The following GRAMD2B variants were observed in gnomAD, a reference collection of about 807,000 sequenced individuals.
The protein encoded by GRAMD2B is GRAM domain containing 2B, also known as GRAM domain-containing protein 2B.
Under a neutral mutation model 59.2 loss-of-function variants are expected in GRAMD2B, and 41 were observed. That is an observed-to-expected ratio of 0.69 (90% CI 0.54 to 0.90). The LOEUF (loss-of-function observed/expected upper bound fraction) is 0.90, where lower values mean the gene tolerates loss of function less well. Ranked by LOEUF, GRAMD2B falls within the 40% of genes least tolerant of loss-of-function variation. GRAMD2B has a pLI of 0.00. For missense variants in GRAMD2B, 424 were observed against 500.5 expected (o/e 0.85, Z 1.46); for synonymous variants, 161 against 182.7 (o/e 0.88, Z 0.96).
At chr5:126,463,567 C>T (rs771098880) in intron 1 of GRAMD2B, among the ~76,000 whole-genome samples, 5 of 152,138 alleles carry the variant, frequency 3.3e-5, no homozygotes, top group Non-Finnish European at 7.3e-5. Flanking sequence ...TTCCATGTAC[C>T]TTTGTCACAT....
At chr5:126,456,095 A>C (rs1039407021) in intron 1 of GRAMD2B, among the ~76,000 whole-genome samples, 2 of 152,258 alleles carry the variant, frequency 1.3e-5, no homozygotes, top group African/African-American at 4.8e-5. Flanking sequence ...TGCTACAAGG[A>C]TATGAATAAA....
Position 126,411,889 on chromosome 5 carries a change from A to C in GRAMD2B, c.125+40322A>C, listed in dbSNP as rs190575258. 2.1e-5 allele frequency among the ~76,000 whole-genome samples: 3 copies of C among 140,350 alleles called. No homozygotes were observed. The Admixed American group carries it at 2.2e-4, about 10-fold the overall frequency. The allele number at this position is 140,350 out of a possible 152,430, so 92.1% of individuals were successfully genotyped here. ...GTGTGTCTATTTTAAATGGGATTGC[A>C]TTCTTGATTTGGCTCTCAACTTGAA... On this transcript the variant is annotated intron_variant, in intron 1 of 8. Coordinates refer to the GRAMD2B transcript ENST00000506445.
chr5:126,400,680 G>T (rs984630126), intron 1 of GRAMD2B, among the ~76,000 whole-genome samples: 12 of 152,132 alleles, frequency 7.9e-5, no homozygotes, highest in African/African-American at 2.9e-4. Context: ...GTCTGGGAAA[G>T]TCTGTCTCTC....
At chr5:126,394,179 G>T (rs1222450245) in intron 1 of GRAMD2B, among the ~76,000 whole-genome samples, 1 of 151,908 alleles carries the variant, frequency 6.6e-6, no homozygotes, top group Non-Finnish European at 1.5e-5. Flanking sequence ...GGAGGCTGAG[G>T]CAGGAGAATG....
intron 1 of GRAMD2B, among the ~76,000 whole-genome samples, chr5:126,398,118 G>T (rs1441652950): frequency 6.7e-6 from 1 of 149,432 alleles, no homozygotes; most frequent in African/African-American, 2.5e-5. Context: ...CAACCTTCCA[G>T]GCTCAAGTGA....
chr5:126,421,294 A>T (rs1380604579), upstream of GRAMD2B, among the ~76,000 whole-genome samples: 1 of 152,274 alleles, frequency 6.6e-6, no homozygotes, highest in Non-Finnish European at 1.5e-5. Context: ...GGGAAAAGTC[A>T]GTCTGATCTG....
chr5:126,423,976 T>C (rs1760137306), intron 1 of GRAMD2B, among the ~76,000 whole-genome samples: 1 of 152,216 alleles, frequency 6.6e-6, no homozygotes, highest in Non-Finnish European at 1.5e-5. Context: ...CCTAACCACA[T>C]TGAAGCTCAA....
intron 2 of GRAMD2B, among the ~76,000 whole-genome samples, chr5:126,469,083 T>C (rs1769041606): frequency 6.6e-6 from 1 of 152,214 alleles, no homozygotes; most frequent in African/African-American, 2.4e-5. Flanking sequence ...AGTACTCCTT[T>C]TTAAATACTG....
At chr5:126,394,062 G>C (rs929156477) in intron 1 of GRAMD2B, among the ~76,000 whole-genome samples, 16 of 152,138 alleles carry the variant, frequency 1.1e-4, no homozygotes, top group South Asian at 2.1e-4. Context: ...ATCACGAGGT[G>C]AGGAGATCGA....
intron 1 of GRAMD2B, among the ~76,000 whole-genome samples, chr5:126,425,658 C>T (rs958017213): frequency 2.0e-5 from 3 of 152,044 alleles, no homozygotes; most frequent in African/African-American, 7.2e-5. Flanking sequence ...CCCAGCTGCT[C>T]GGGAGGCTGA....
At position 126,442,400 on chromosome 5, in the gene GRAMD2B, C is replaced by T. The variant is rs148415959; in HGVS notation, c.83+18711C>T. Reference sequence around the variant, plus strand: ...CTGCCTCTCAGGTTCAAGCAATTCTCCTGCCTCAGCCTCCCTAGTAGCCTG... The same window carrying T: ...CTGCCTCTCAGGTTCAAGCAATTCTTCTGCCTCAGCCTCCCTAGTAGCCTG... On this transcript the variant is annotated intron_variant, in intron 1 of 13. Coordinates refer to ENST00000285689, the MANE Select transcript of GRAMD2B (RefSeq NM_023927.4). Among the ~76,000 whole-genome samples, 874 of 151,384 alleles carry T rather than the reference C, an allele frequency of 5.8e-3. 14 individuals carry two copies. Among genetic ancestry groups the T allele is most frequent in the African/African-American group, 0.02 (837 of 41,208 alleles).
chr5:126,392,311 CAG>C (rs1756890821), intron 1 of GRAMD2B, among the ~76,000 whole-genome samples: 1 of 152,180 alleles, frequency 6.6e-6, no homozygotes, highest in South Asian at 2.1e-4. Context: ...AGGTGGATCA[CAG>C]GGGGAAAGAC....
chr5:126,364,119 GTC>G (rs1754340267), intron 1 of GRAMD2B, among the ~76,000 whole-genome samples: 1 of 152,120 alleles, frequency 6.6e-6, no homozygotes. Flanking sequence ...AATATTTAAA[GTC>G]TTTACAAATA....
chr5:126,492,993 T>C lies in GRAMD2B; in HGVS notation c.*37T>C. 4 of 1,583,774 alleles carry C rather than the reference T, an allele frequency of 2.5e-6. No homozygotes were observed. Among genetic ancestry groups the C allele is most frequent in the Non-Finnish European group, 3.5e-6 (4 of 1,153,020 alleles). On this transcript the variant is annotated 3_prime_UTR_variant, in exon 14 of 14. Coordinates refer to ENST00000285689, the MANE Select transcript of GRAMD2B (RefSeq NM_023927.4). ...GCTTGGGCCATCGGAATACCTCATG[T>C]TTCCCTTTGAAGAAGGTGCTTCCTG...
intron 5 of GRAMD2B, 55 bp from the exon 6 acceptor site, chr5:126,477,637 T>G: frequency 1.1e-6 from 1 of 937,002 alleles, no homozygotes; most frequent in Non-Finnish European, 1.8e-6. Context: ...TGTGAAGATT[T>G]GAAGTGCTGT....
chr5:126,485,558 C>T, intron 10 of GRAMD2B, 128 bp from the exon 11 acceptor site: 1 of 596,744 alleles, frequency 1.7e-6, no homozygotes, highest in East Asian at 2.9e-5. Context: ...AACTGGGAGA[C>T]TTGATATTTT....
chr5:126,481,206 AGAAAG>A (rs1561598567), intron 8 of GRAMD2B, among the ~76,000 whole-genome samples: 1 of 70,130 alleles, frequency 1.4e-5, no homozygotes, highest in African/African-American at 4.7e-5. Context: ...AAAAAAAAAA[AGAAAG>A]AAAGAAAGAA....
upstream of GRAMD2B, among the ~76,000 whole-genome samples, chr5:126,419,883 C>T (rs1293209595): frequency 1.3e-5 from 2 of 151,650 alleles, no homozygotes; most frequent in African/African-American, 4.8e-5. Context: ...GGTGAAACCC[C>T]GTCTCCACTA....
At chr5:126,374,354 GT>G (rs1339150232) in intron 1 of GRAMD2B, among the ~76,000 whole-genome samples, 1 of 151,790 alleles carries the variant, frequency 6.6e-6, no homozygotes, top group Non-Finnish European at 1.5e-5. Context: ...GTCTTTTTTT[GT>G]TTTCTCTTCT....
Sources: allele counts gnomAD v4.1 joint callset (sites outside exome capture counted in the v4.1 genomes callset), GRCh38; gene constraint gnomAD v4.1.1; transcripts MANE v1.5; gene names NCBI Gene and HGNC (gene_info 2026-07-23, HGNC 2026-07-21).